The following NRG3 variants were observed in gnomAD, a reference collection of about 807,000 sequenced individuals.
The protein encoded by NRG3 is pro-neuregulin-3, membrane-bound isoform.
A neutral mutation model predicts 66.9 loss-of-function variants in NRG3; 31 were observed. The observed-to-expected ratio is 0.46, with a 90% confidence interval of 0.35 to 0.63. The LOEUF is 0.63. NRG3 is among the 20% of genes least tolerant of loss of function. The probability of loss-of-function intolerance (pLI) is 0.00; values close to 1 mark genes in which losing one functional copy is unlikely to be tolerated. For missense variants in NRG3, 910 were observed against 878.9 expected, an observed-to-expected ratio of 1.04 and a Z score of -0.45; for synonymous variants, 393 against 359.4, an observed-to-expected ratio of 1.09 and a Z score of -1.06.
chr10:82,272,202 A>G (rs545415971), intron 1 of NRG3, among the ~76,000 whole-genome samples: 4 of 152,210 alleles, frequency 2.6e-5, no homozygotes, highest in Admixed American at 2.0e-4. Flanking sequence ...TGATACCTGC[A>G]TGATGATAAA....
At chr10:81,876,232 T>C (rs1016163845) in intron 1 of NRG3, 69 bp downstream of exon 1, 20 of 1,495,498 alleles carry the variant, frequency 1.3e-5, no homozygotes, top group Non-Finnish European at 1.6e-5. Flanking sequence ...GCTGTCTTTT[T>C]CCCTCGCCGC....
chr10:82,925,002 CA>C (rs1393113792), intron 4 of NRG3, among the ~76,000 whole-genome samples: 8 of 152,188 alleles, frequency 5.3e-5, no homozygotes, highest in Non-Finnish European at 1.2e-4. Context: ...ACATGCCAGA[CA>C]CAATGCTGAA....
At chr10:82,316,152 C>G (rs1029529016) in intron 1 of NRG3, among the ~76,000 whole-genome samples, 9 of 151,998 alleles carry the variant, frequency 5.9e-5, no homozygotes, top group Non-Finnish European at 7.4e-5. Flanking sequence ...TCTCAACCCC[C>G]GCGAAAAGAG....
In NRG3 at chr10:81,969,394, C is replaced by T. The variant is rs530292746; in HGVS notation, c.823+93231C>T. On this transcript the variant is annotated intron_variant, in intron 1 of 8. Coordinates refer to ENST00000372141, the MANE Select transcript of NRG3 (RefSeq NM_001010848.4). ...CCCTAAAATCAATAGGTCCCCTGTG[C>T]CTTCCGGCACACTCACACACTGACA... 1.5e-4 allele frequency among the ~76,000 whole-genome samples: 23 copies of T among 152,336 alleles called. 2 individuals are homozygous for T. In the South Asian group the frequency reaches 2.7e-3, roughly 18 times the overall value.
chr10:82,356,817 T>A (rs1362341333), intron 1 of NRG3, among the ~76,000 whole-genome samples: 1 of 152,212 alleles, frequency 6.6e-6, no homozygotes, highest in Non-Finnish European at 1.5e-5. Flanking sequence ...CACTTTTTGC[T>A]GTACAAAATG....
chr10:82,631,336 A>G (rs1017798487), intron 2 of NRG3, among the ~76,000 whole-genome samples: 2 of 152,010 alleles, frequency 1.3e-5, no homozygotes, highest in Non-Finnish European at 2.9e-5. Flanking sequence ...AACAACCCCC[A>G]TTGACTCCAG....
At chr10:82,309,212 A>T (rs569847122) in intron 1 of NRG3, among the ~76,000 whole-genome samples, 2 of 152,172 alleles carry the variant, frequency 1.3e-5, no homozygotes, top group Non-Finnish European at 2.9e-5. Flanking sequence ...TTAAGCCACG[A>T]TCGCCCATTC....
At chr10:82,453,087 G>A (rs959052642) in intron 2 of NRG3, among the ~76,000 whole-genome samples, 6 of 152,052 alleles carry the variant, frequency 3.9e-5, no homozygotes, top group Non-Finnish European at 8.8e-5. Flanking sequence ...AAGACTTTCT[G>A]AGCCTGTTTT....
intron 1 of NRG3, among the ~76,000 whole-genome samples, chr10:82,143,493 G>A (rs1007748314): frequency 2.0e-5 from 3 of 152,162 alleles, no homozygotes; most frequent in Non-Finnish European, 4.4e-5. Context: ...AAAGATTGTG[G>A]ACTAGGTTTG....
At chr10:81,959,226 G>T (rs192947565) in intron 1 of NRG3, among the ~76,000 whole-genome samples, 1 of 152,322 alleles carries the variant, frequency 6.6e-6, no homozygotes, top group African/African-American at 2.4e-5. Flanking sequence ...TGTTGTAGAT[G>T]TCAGATCAGA....
intron 1 of NRG3, among the ~76,000 whole-genome samples, chr10:82,008,436 A>G (rs531102283): frequency 6.6e-6 from 1 of 152,246 alleles, no homozygotes; most frequent in Non-Finnish European, 1.5e-5. Context: ...TAGGTGTGCT[A>G]AATAGAAAAA....
At chr10:82,151,315 G>A (rs921811961) in intron 1 of NRG3, among the ~76,000 whole-genome samples, 2 of 152,216 alleles carry the variant, frequency 1.3e-5, no homozygotes, top group African/African-American at 2.4e-5. Context: ...CAGGTGGAAT[G>A]ATTGGAAATG....
chr10:82,516,308 A>T (rs1026404641), intron 2 of NRG3, among the ~76,000 whole-genome samples: 1 of 152,090 alleles, frequency 6.6e-6, no homozygotes, highest in Non-Finnish European at 1.5e-5. Flanking sequence ...ATTTTGCTTT[A>T]CTTCCCTTTC....
At chr10:82,410,957 C>G (rs919334853) in intron 2 of NRG3, among the ~76,000 whole-genome samples, 4 of 152,100 alleles carry the variant, frequency 2.6e-5, no homozygotes, top group African/African-American at 9.7e-5. Flanking sequence ...TTACTTATCA[C>G]CAGATACAAA....
chr10:82,022,468 G>A (rs1259142013), intron 1 of NRG3, among the ~76,000 whole-genome samples: 1 of 152,076 alleles, frequency 6.6e-6, no homozygotes, highest in Non-Finnish European at 1.5e-5. Flanking sequence ...ATTATTTCAT[G>A]TTAAGAGAAT....
intron 2 of NRG3, among the ~76,000 whole-genome samples, chr10:82,715,481 T>C (rs1038103725): frequency 6.6e-6 from 1 of 152,302 alleles, no homozygotes; most frequent in Non-Finnish European, 1.5e-5. Flanking sequence ...CACTTTATTC[T>C]AGAACGGTAC....
rs150048822 is a variant in NRG3 at position 82,280,327 on chromosome 10, A to ATTT, written c.824-78404_824-78402dup. ...CTTAGGCTCAGCATATCAAGTGACAATTTTTTTTTTGGTGTGCTGCCAACT... is the reference window on the plus strand; with the variant it reads ...CTTAGGCTCAGCATATCAAGTGACAATTTTTTTTTTTTTGGTGTGCTGCCAACT... On this transcript the variant is annotated intron_variant, in intron 1 of 8. Coordinates refer to ENST00000372141, the MANE Select transcript of NRG3 (RefSeq NM_001010848.4). Among the ~76,000 whole-genome samples, 34 of 150,326 alleles carry ATTT rather than the reference A, an allele frequency of 2.3e-4. No individual in the cohort carries two copies. In the Middle Eastern group the frequency reaches 0.01, roughly 46 times the overall value.
intron 2 of NRG3, among the ~76,000 whole-genome samples, chr10:82,559,479 A>G (rs2044881249): frequency 6.6e-6 from 1 of 152,194 alleles, no homozygotes; most frequent in South Asian, 2.1e-4. Flanking sequence ...GGCCTCTATT[A>G]TGAGCCATGC....
intron 2 of NRG3, among the ~76,000 whole-genome samples, chr10:82,492,036 C>T (rs1843191447): frequency 6.6e-6 from 1 of 152,186 alleles, no homozygotes; most frequent in Non-Finnish European, 1.5e-5. Context: ...ATTCCTTGAA[C>T]ACTGTATTTC....
Sources: gnomAD v4.1 joint callset for allele counts (sites outside exome capture counted in the v4.1 genomes callset) on GRCh38, gnomAD v4.1.1 for gene constraint, MANE v1.5 for transcripts, NCBI Gene and HGNC (gene_info 2026-07-23, HGNC 2026-07-21) for gene names.